NR5A2: variants seen among roughly 807,000 people sequenced by gnomAD.
NR5A2 encodes nuclear receptor subfamily 5 group A member 2, also known as CYP7A promoter-binding factor.
Under a neutral mutation model 62.7 loss-of-function variants are expected in NR5A2, and 26 were observed. The ratio of observed to expected loss-of-function variants is 0.41; its 90% CI spans 0.30 to 0.58. The LOEUF (loss-of-function observed/expected upper bound fraction) is 0.58, where lower values mean the gene tolerates loss of function less well. Ranked by LOEUF, NR5A2 falls within the 20% of genes least tolerant of loss-of-function variation. NR5A2 has a pLI of 0.22. For missense variants in NR5A2, 541 were observed against 669.1 expected, an observed-to-expected ratio of 0.81 and a Z score of 2.11; for synonymous variants, 246 against 241.7, an observed-to-expected ratio of 1.02 and a Z score of -0.16.
intron 2 of NR5A2, among the ~76,000 whole-genome samples, chr1:200,041,802 T>G (rs2102150553): frequency 6.6e-6 from 1 of 151,966 alleles, no homozygotes; most frequent in South Asian, 2.1e-4. Context: ...TTCAAGAGAG[T>G]CTCTACCTCA....
In NR5A2 at chr1:200,147,928, G is replaced by C; in HGVS notation, c.1379-26035G>C. 5.4e-6 allele frequency: 2 copies of C among 371,424 alleles called. No individual in the cohort carries two copies. Among genetic ancestry groups the C allele is most frequent in the South Asian group, 6.4e-5 (2 of 31,022 alleles). 23.0% of individuals were successfully genotyped at this position (371,424 alleles called of 1,614,324 possible). On this transcript the variant is annotated intron_variant, in intron 7 of 7. Coordinates refer to ENST00000367362, the MANE Select transcript of NR5A2 (RefSeq NM_205860.3). This position sits in a 1 kb window ranked among gnomAD's most constrained non-coding sequence, Gnocchi z 4.9. ...GCTGCGGGCTGTGATGTGGTGCAGC[G>C]CTTCGCCGGTGTTGGTGTTGCCCTG...
At position 200,104,847 on chromosome 1, in the gene NR5A2, G is replaced by A. The variant is rs183198020; in HGVS notation, c.1111-6355G>A. On this transcript the variant is annotated intron_variant, in intron 5 of 7. Transcript: ENST00000367362. ...CTGGCTAATTTTTGTATTTTTAGTA[G>A]AGATGGAATTTCACCATGTTGGCCA... Among the ~76,000 whole-genome samples the A allele has an allele frequency of 8.5e-5, 13 of 152,238 alleles. No individual in the cohort carries two copies. The East Asian group carries it at 2.3e-3, about 27-fold the overall frequency.
At chr1:200,086,890 T>C (rs1425996788) in intron 5 of NR5A2, among the ~76,000 whole-genome samples, 2 of 151,942 alleles carry the variant, frequency 1.3e-5, no homozygotes, top group African/African-American at 4.8e-5. Flanking sequence ...AATACAAAAA[T>C]TAGCTGGGAA....
chr1:200,035,294 A>G (rs1661727106), intron 1 of NR5A2, among the ~76,000 whole-genome samples: 1 of 152,204 alleles, frequency 6.6e-6, no homozygotes, highest in Non-Finnish European at 1.5e-5. Context: ...ATTGTTTCGA[A>G]GGAGGAAGGT....
chr1:200,148,625 A>C (rs1365124709), intron 7 of NR5A2, among the ~76,000 whole-genome samples: 1 of 152,320 alleles, frequency 6.6e-6, no homozygotes, highest in East Asian at 1.9e-4. Context: ...AAAAATAAAG[A>C]AGTTAAGTGA....
At chr1:200,119,624 C>T (rs1209980762) in intron 6 of NR5A2, among the ~76,000 whole-genome samples, 1 of 152,044 alleles carries the variant, frequency 6.6e-6, no homozygotes, top group African/African-American at 2.4e-5. Flanking sequence ...AAGATTGGTG[C>T]CTAGCAACAC....
At chr1:200,150,868 G>T (rs934402088) in intron 7 of NR5A2, among the ~76,000 whole-genome samples, 1 of 152,182 alleles carries the variant, frequency 6.6e-6, no homozygotes, top group Admixed American at 6.5e-5. Context: ...CCGCTGCAGT[G>T]CAAGTCCTTT....
chr1:200,173,846 G>A, intron 7 of NR5A2, 117 bp from the exon 8 acceptor site: 3 of 1,075,350 alleles, frequency 2.8e-6, no homozygotes, highest in South Asian at 2.4e-5. Context: ...TCAGCAGCAT[G>A]TAAAGTATGT....
intron 7 of NR5A2, among the ~76,000 whole-genome samples, chr1:200,139,292 C>G (rs1667352891): frequency 6.6e-6 from 1 of 152,168 alleles, no homozygotes; most frequent in Admixed American, 6.5e-5. Flanking sequence ...TTATCTTCAA[C>G]CTTCTGTGTA....
chr1:200,043,850 G>A lies in NR5A2; in HGVS notation c.279G>A (p.Val93=). Residue 93 remains valine (V), a synonymous_variant, in exon 3 of 8, where the codon GTG becomes GTA. Coordinates refer to ENST00000367362, the MANE Select transcript of NR5A2 (RefSeq NM_205860.3). ...TTTGTCCCGTGTGTGGAGATAAAGTGTCTGGGTACCATTATGGGCTCCTCA... is the reference window on the plus strand; with the variant it reads ...TTTGTCCCGTGTGTGGAGATAAAGTATCTGGGTACCATTATGGGCTCCTCA... ...EELCPVCGDK[V]SGYHYGLLTC... is the part of the protein sequence containing the mutation. 6.2e-7 allele frequency: 1 copy of A among 1,613,860 alleles called. No homozygotes were observed. The highest frequency in any genetic ancestry group is 8.5e-7 in the Non-Finnish European group (1 of 1,179,810).
At chr1:200,137,825 A>C (rs931310691) in intron 7 of NR5A2, among the ~76,000 whole-genome samples, 108 of 152,252 alleles carry the variant, frequency 7.1e-4, no homozygotes, top group African/African-American at 2.3e-3. Flanking sequence ...TTGCTACAAG[A>C]AATTATGGGA....
At chr1:200,116,517 A>G (rs1214470892) in intron 6 of NR5A2, among the ~76,000 whole-genome samples, 1 of 152,228 alleles carries the variant, frequency 6.6e-6, no homozygotes, top group African/African-American at 2.4e-5. Context: ...ATGTCTGTTC[A>G]TAGTTCATTC....
At chr1:200,142,442 C>T (rs964169276) in intron 7 of NR5A2, among the ~76,000 whole-genome samples, 9 of 151,984 alleles carry the variant, frequency 5.9e-5, no homozygotes, top group African/African-American at 1.2e-4. Flanking sequence ...GTGATCTACC[C>T]GCCTCGGCCT....
intron 5 of NR5A2, among the ~76,000 whole-genome samples, chr1:200,072,438 A>C (rs544865707): frequency 6.6e-6 from 1 of 152,284 alleles, no homozygotes; most frequent in Non-Finnish European, 1.5e-5. Flanking sequence ...TTTACCTCAT[A>C]ATGTGACACC....
intron 2 of NR5A2, chr1:200,042,735 T>G: frequency 2.6e-6 from 2 of 782,486 alleles, no homozygotes; most frequent in Middle Eastern, 6.6e-4. Flanking sequence ...CGCCCCGCGC[T>G]CCCATACTTG....
rs1366043493 is a variant in NR5A2 at position 200,039,950 on chromosome 1, T to C, written c.202+155T>C. Among the ~76,000 whole-genome samples, 1 of 152,052 alleles carries C rather than the reference T, an allele frequency of 6.6e-6. No homozygotes were observed. The highest frequency in any genetic ancestry group is 1.5e-5 in the Non-Finnish European group (1 of 68,014). Reference sequence around the variant, plus strand: ...CAAGCCCCCTCCCCAGGTGCAGGCATAAAAGTTTATGGCTCTTGAACAATG... The same window carrying C: ...CAAGCCCCCTCCCCAGGTGCAGGCACAAAAGTTTATGGCTCTTGAACAATG... On this transcript the variant is annotated intron_variant, in intron 2 of 7. Coordinates refer to ENST00000367362, the MANE Select transcript of NR5A2 (RefSeq NM_205860.3). The surrounding 1 kb of genome is among the most constrained non-coding windows in gnomAD (Gnocchi z 5.1).
At chr1:200,093,115 A>G (rs1198854807) in intron 5 of NR5A2, among the ~76,000 whole-genome samples, 1 of 152,034 alleles carries the variant, frequency 6.6e-6, no homozygotes, top group Non-Finnish European at 1.5e-5. Context: ...CATGTTGGTC[A>G]GGCTGGTCTT....
chr1:200,085,962 G>A (rs1571446865), intron 5 of NR5A2, among the ~76,000 whole-genome samples: 2 of 152,160 alleles, frequency 1.3e-5, no homozygotes, highest in East Asian at 3.9e-4. Flanking sequence ...TTAAGTCTGT[G>A]TGGTGCTCAT....
At chr1:200,043,026 T>G (rs1188061782) in intron 2 of NR5A2, 5 of 982,434 alleles carry the variant, frequency 5.1e-6, no homozygotes, top group Non-Finnish European at 6.0e-6. Flanking sequence ...GCTTCAATAC[T>G]TTGAAACCAA....
Sources: allele counts gnomAD v4.1 joint callset (sites outside exome capture counted in the v4.1 genomes callset), GRCh38; gene constraint gnomAD v4.1.1; non-coding constraint Gnocchi (gnomAD v3.1); transcripts MANE v1.5; gene names NCBI Gene and HGNC (gene_info 2026-07-23, HGNC 2026-07-21).